The following SIPA1L1 variants were observed in gnomAD, a reference collection of about 807,000 sequenced individuals.
The protein encoded by SIPA1L1 is signal induced proliferation associated 1 like 1, also known as signal-induced proliferation-associated 1-like protein 1.
In SIPA1L1, 26 loss-of-function variants were observed where a neutral mutation model predicts 162.7. The ratio of observed to expected loss-of-function variants is 0.16; its 90% CI spans 0.12 to 0.22. The LOEUF (loss-of-function observed/expected upper bound fraction) is 0.22. Ranked by LOEUF, SIPA1L1 falls within the 10% of genes least tolerant of loss-of-function variation. The pLI, the probability that SIPA1L1 is intolerant of heterozygous loss-of-function variation, is 1.00. For missense variants in SIPA1L1, 1,874 were observed against 2,241.0 expected (o/e 0.84, Z 3.31); for synonymous variants, 829 against 837.4 (o/e 0.99, Z 0.17).
intron 2 of SIPA1L1, among the ~76,000 whole-genome samples, chr14:71,357,121 C>T (rs1254337704): frequency 6.6e-6 from 1 of 152,110 alleles, no homozygotes; most frequent in Non-Finnish European, 1.5e-5. Flanking sequence ...GTGGCGTGAT[C>T]GTAGCTCACA....
chr14:71,694,398 G>GGTGTTTA (rs1011320196), intron 13 of SIPA1L1, among the ~76,000 whole-genome samples: 1 of 152,028 alleles, frequency 6.6e-6, no homozygotes. Context: ...ATGAAAAGCT[G>GGTGTTTA]GTGTTTAGTG....
chr14:71,568,252 C>A (rs1329798831), intron 4 of SIPA1L1, among the ~76,000 whole-genome samples: 4 of 152,162 alleles, frequency 2.6e-5, no homozygotes, highest in African/African-American at 9.7e-5. Flanking sequence ...TATTTCTCTC[C>A]TCCCTTTTAC....
chr14:71,434,516 C>G (rs1168306147), intron 2 of SIPA1L1, among the ~76,000 whole-genome samples: 1 of 152,084 alleles, frequency 6.6e-6, no homozygotes, highest in Non-Finnish European at 1.5e-5. Context: ...TTTTTCTGTT[C>G]CTGTCCTTTT....
intron 10 of SIPA1L1, 85 bp downstream of exon 10, chr14:71,661,552 G>C: frequency 1.4e-6 from 2 of 1,403,436 alleles, no homozygotes; most frequent in Middle Eastern, 2.1e-4. Flanking sequence ...ATTCTAAAGT[G>C]GCAATGGGAA....
At chr14:71,420,891 A>G (rs1228404235) in intron 2 of SIPA1L1, among the ~76,000 whole-genome samples, 2 of 152,142 alleles carry the variant, frequency 1.3e-5, no homozygotes, top group Admixed American at 6.5e-5. Context: ...GCCCTAGTCC[A>G]TGTTTTCTCT....
chr14:71,461,867 C>A (rs2046628274), intron 2 of SIPA1L1, among the ~76,000 whole-genome samples: 1 of 152,186 alleles, frequency 6.6e-6, no homozygotes. Context: ...AGGCCCTAGT[C>A]TTCTCTTCCT....
intron 7 of SIPA1L1, among the ~76,000 whole-genome samples, chr14:71,628,374 G>A (rs939848093): frequency 3.9e-5 from 6 of 152,214 alleles, no homozygotes; most frequent in Admixed American, 2.0e-4. Flanking sequence ...CTGAGCATGT[G>A]ATAAAACGTT....
chr14:71,340,328 T>C (rs1206461110), intron 2 of SIPA1L1, among the ~76,000 whole-genome samples: 2 of 152,160 alleles, frequency 1.3e-5, no homozygotes, highest in African/African-American at 4.8e-5. Context: ...TCTTATCTGT[T>C]GTAGGACTTT....
intron 2 of SIPA1L1, among the ~76,000 whole-genome samples, chr14:71,493,110 G>A (rs764749470): frequency 6.6e-6 from 1 of 151,898 alleles, no homozygotes; most frequent in African/African-American, 2.4e-5. Context: ...TTAGAGACAG[G>A]GTCTTGCTCT....
At chr14:71,366,544 C>T (rs2038313146) in intron 2 of SIPA1L1, among the ~76,000 whole-genome samples, 1 of 152,164 alleles carries the variant, frequency 6.6e-6, no homozygotes, top group Non-Finnish European at 1.5e-5. Flanking sequence ...CACCATTCTC[C>T]TGCCTCAGCC....
chr14:71,443,030 C>T (rs2045037206), intron 2 of SIPA1L1, among the ~76,000 whole-genome samples: 1 of 152,144 alleles, frequency 6.6e-6, no homozygotes, highest in East Asian at 1.9e-4. Context: ...TGGCATGTTG[C>T]ACATTGAGAT....
chr14:71,672,672 T>A, intron 12 of SIPA1L1, 50 bp downstream of exon 12: 4 of 1,583,246 alleles, frequency 2.5e-6, no homozygotes, highest in Non-Finnish European at 3.4e-6. Flanking sequence ...GCAGGGTTTG[T>A]GTACCATGTA....
At chr14:71,340,980 C>G (rs1333406920) in intron 2 of SIPA1L1, among the ~76,000 whole-genome samples, 1 of 152,154 alleles carries the variant, frequency 6.6e-6, no homozygotes, top group South Asian at 2.1e-4. Flanking sequence ...AGTGAACTTT[C>G]AGGAGGTGAA....
intron 8 of SIPA1L1, among the ~76,000 whole-genome samples, chr14:71,657,704 T>A (rs1291876390): frequency 6.6e-6 from 1 of 151,550 alleles, no homozygotes; most frequent in Non-Finnish European, 1.5e-5. Flanking sequence ...ACAAAACAAG[T>A]CTCTTGCTTG....
chr14:71,735,242 C>T, intron 21 of SIPA1L1, 35 bp from the exon 22 acceptor site: 2 of 1,462,514 alleles, frequency 1.4e-6, no homozygotes, highest in Non-Finnish European at 1.9e-6. Flanking sequence ...GGATGTGGTT[C>T]CAAAATACTA....
chr14:71,385,374 A>G (rs1006515434), intron 2 of SIPA1L1, among the ~76,000 whole-genome samples: 1 of 152,128 alleles, frequency 6.6e-6, no homozygotes, highest in African/African-American at 2.4e-5. Flanking sequence ...TCTCTGCAAC[A>G]GTTGCTGGTT....
rs112255140 is a variant in SIPA1L1 at position 71,332,456 on chromosome 14, T to G, written c.-465+11275T>G. Reference sequence around the variant, plus strand: ...TCCTATATTAAATATTATTTATATATATAGAGAGAAATAAACAGTCAACTG... The same window carrying G: ...TCCTATATTAAATATTATTTATATAGATAGAGAGAAATAAACAGTCAACTG... On this transcript the variant is annotated intron_variant, in intron 2 of 23. Transcript: ENST00000381232. 1.7e-3 allele frequency among the ~76,000 whole-genome samples: 252 copies of G among 152,212 alleles called. 4 individuals carry two copies. The highest frequency in any genetic ancestry group is 5.6e-3 in the African/African-American group (233 of 41,538).
chr14:71,426,168 A>G (rs1227384403), intron 2 of SIPA1L1, among the ~76,000 whole-genome samples: 1 of 152,114 alleles, frequency 6.6e-6, no homozygotes, highest in Non-Finnish European at 1.5e-5. Flanking sequence ...TCCTTTGTCT[A>G]TCAGAGGTTG....
chr14:71,552,060 C>T (rs963215399), intron 4 of SIPA1L1, among the ~76,000 whole-genome samples: 4 of 152,322 alleles, frequency 2.6e-5, no homozygotes, highest in East Asian at 1.9e-4. Flanking sequence ...CTCTCCCCTA[C>T]TAGACTGTAA....
Sources: gnomAD v4.1 joint callset for allele counts (sites outside exome capture counted in the v4.1 genomes callset) on GRCh38, gnomAD v4.1.1 for gene constraint, MANE v1.5 for transcripts, NCBI Gene and HGNC (gene_info 2026-07-23, HGNC 2026-07-21) for gene names.